Variants in RRM2 observed in about 807,000 individuals in gnomAD.
RRM2 encodes ribonucleoside-diphosphate reductase subunit M2.
RRM2 carries 6 observed loss-of-function variants against 45.9 expected under a neutral mutation model. The observed-to-expected ratio is 0.13, with a 90% CI of 0.07 to 0.26. RRM2 has a LOEUF of 0.26. RRM2 is among the 10% of genes least tolerant of loss of function. The probability of loss-of-function intolerance (pLI) is 1.00; values close to 1 mark genes in which losing one functional copy is unlikely to be tolerated. For missense variants in RRM2, 343 were observed against 489.5 expected, an observed-to-expected ratio of 0.70 and a Z score of 2.82; for synonymous variants, 177 against 173.0, an observed-to-expected ratio of 1.02 and a Z score of -0.18.
chr2:10,142,105 G>T, intron 2 of RRM2: 1 of 1,580,926 alleles, frequency 6.3e-7, no homozygotes, highest in South Asian at 1.2e-5. Context: ...GTTTCAGGCG[G>T]AGGGTGGGCA....
chr2:10,176,217 T>C (rs1463493770), intron 3 of RRM2, among the ~76,000 whole-genome samples: 1 of 152,218 alleles, frequency 6.6e-6, no homozygotes, highest in Non-Finnish European at 1.5e-5. Context: ...TTCAGTTTTT[T>C]TGGGCATATA....
rs1664154340 is a variant in RRM2, at chr2:10,185,892, C to T, written n.483-24419C>T. ...TGCTGAGCTGACCCTCCTTTCTGTC[C>T]TTCCTCGTGCCGAGGTTCTCTCTCC... is the stretch of plus-strand genomic sequence containing the variant. On this transcript the variant is annotated intron_variant and non_coding_transcript_variant, in intron 3 of 3. Transcript: ENST00000381786. The surrounding 1 kb of genome is among the most constrained non-coding windows in gnomAD (Gnocchi z 4.3). Among the ~76,000 whole-genome samples the T allele has an allele frequency of 6.6e-6, 1 of 152,186 alleles. No individual in the cohort carries two copies. Among genetic ancestry groups the T allele is most frequent in the Admixed American group, 6.5e-5 (1 of 15,278 alleles).
At chr2:10,137,433 A>G (rs1198041013), upstream of RRM2, among the ~76,000 whole-genome samples, 1 of 152,164 alleles carries the variant, frequency 6.6e-6, no homozygotes, top group Non-Finnish European at 1.5e-5. Context: ...TGGTCATTAC[A>G]CTGTGGTAGT....
At chr2:10,159,561 C>T (rs913466619) in intron 3 of RRM2, among the ~76,000 whole-genome samples, 3 of 152,152 alleles carry the variant, frequency 2.0e-5, no homozygotes, top group Non-Finnish European at 2.9e-5. Context: ...GAGCTCTGAG[C>T]GGTGTTTTTC....
chr2:10,133,702 GAT>G (rs2125309682), downstream of RRM2, among the ~76,000 whole-genome samples: 1 of 110,358 alleles, frequency 9.1e-6, no homozygotes, highest in African/African-American at 4.3e-5. Flanking sequence ...ATGACATCAG[GAT>G]TTTTTTTTTT....
chr2:10,190,560 G>T (rs1664278602), intron 3 of RRM2, among the ~76,000 whole-genome samples: 1 of 150,916 alleles, frequency 6.6e-6, no homozygotes, highest in Admixed American at 6.6e-5. Context: ...GAGGATGGTG[G>T]TGGTGATGAT....
chr2:10,159,996 G>A (rs1415523549), intron 3 of RRM2, among the ~76,000 whole-genome samples: 1 of 152,080 alleles, frequency 6.6e-6, no homozygotes, highest in African/African-American at 2.4e-5. Flanking sequence ...GGAAAGTCCA[G>A]CCCCCTCTCC....
At chr2:10,194,561 A>G (rs1664374561) in intron 3 of RRM2, among the ~76,000 whole-genome samples, 1 of 152,186 alleles carries the variant, frequency 6.6e-6, no homozygotes, top group Admixed American at 6.5e-5. Flanking sequence ...GTCCTGCTTC[A>G]CTGCCTTATG....
At chr2:10,197,382 G>A (rs1212618040) in intron 3 of RRM2, among the ~76,000 whole-genome samples, 1 of 152,154 alleles carries the variant, frequency 6.6e-6, no homozygotes, top group African/African-American at 2.4e-5. Flanking sequence ...TGCCCAACCA[G>A]TCCTAGGGGG....
intron 3 of RRM2, among the ~76,000 whole-genome samples, chr2:10,202,656 T>A (rs753487415): frequency 1.3e-5 from 2 of 151,420 alleles, no homozygotes; most frequent in Non-Finnish European, 2.9e-5. Flanking sequence ...GGAGACAGGT[T>A]TATCTCAGGG....
upstream of RRM2, among the ~76,000 whole-genome samples, chr2:10,138,410 G>A (rs141868063): frequency 5.0e-3 from 761 of 152,152 alleles, 6 homozygotes; most frequent in African/African-American, 0.017. Context: ...CAGGTGATCC[G>A]CCTGCCTTGG....
In RRM2 at chr2:10,169,784, T is replaced by C. The variant is rs1663759401; in HGVS notation, n.482+27409T>C. On this transcript the variant is annotated intron_variant and non_coding_transcript_variant, in intron 3 of 3. Transcript: ENST00000381786. The surrounding 1 kb of genome is among the most constrained non-coding windows in gnomAD (Gnocchi z 5.1). Reference sequence around the variant, plus strand: ...GAGGACGGGAGCAGGAGCAGGAGGCTGAGGCCAGGGGGGATGGCAGCCCCC... The same window carrying C: ...GAGGACGGGAGCAGGAGCAGGAGGCCGAGGCCAGGGGGGATGGCAGCCCCC... 6.6e-6 allele frequency among the ~76,000 whole-genome samples: 1 copy of C among 152,162 alleles called. No individual in the cohort carries two copies. Among genetic ancestry groups the C allele is most frequent in the Non-Finnish European group, 1.5e-5 (1 of 68,010 alleles).
chr2:10,124,349 AC>A (rs2125306095), intron 4 of RRM2, among the ~76,000 whole-genome samples: 1 of 152,106 alleles, frequency 6.6e-6, no homozygotes, highest in African/African-American at 2.4e-5. Flanking sequence ...CAGGTGATCC[AC>A]CCACCTTGGC....
chr2:10,169,454 G>A lies in RRM2; in HGVS notation n.482+27079G>A, dbSNP rs1259801116. Among the ~76,000 whole-genome samples, 2 of 152,196 alleles carry A rather than the reference G, an allele frequency of 1.3e-5. No individual in the cohort carries two copies. The highest frequency in any genetic ancestry group is 4.8e-5 in the African/African-American group (2 of 41,440). On this transcript the variant is annotated intron_variant and non_coding_transcript_variant, in intron 3 of 3. Transcript: ENST00000381786. This position sits in a 1 kb window ranked among gnomAD's most constrained non-coding sequence, Gnocchi z 5.1. ...TGTGAAGGCCTTGATGTCCTCTGGTGCCAACGCAACAGAGAAGCCAGCAAA... is the reference window on the plus strand; with the variant it reads ...TGTGAAGGCCTTGATGTCCTCTGGTACCAACGCAACAGAGAAGCCAGCAAA...
intron 3 of RRM2, among the ~76,000 whole-genome samples, chr2:10,207,327 T>C (rs1664681980): frequency 6.6e-6 from 1 of 152,184 alleles, no homozygotes; most frequent in South Asian, 2.1e-4. Context: ...CACCTGCAAT[T>C]GGCCTTCCAG....
At chr2:10,152,871 T>C (rs908464622) in intron 3 of RRM2, among the ~76,000 whole-genome samples, 2 of 152,126 alleles carry the variant, frequency 1.3e-5, no homozygotes, top group African/African-American at 4.8e-5. Context: ...GTACAGCCAT[T>C]ATGGAAAGCA....
chr2:10,143,237 G>A (rs181255312), intron 3 of RRM2, among the ~76,000 whole-genome samples: 2 of 152,208 alleles, frequency 1.3e-5, no homozygotes, highest in Admixed American at 6.5e-5. Flanking sequence ...TGTTCCCTTA[G>A]CCTGGACTTT....
intron 3 of RRM2, among the ~76,000 whole-genome samples, chr2:10,183,825 C>G (rs1012984631): frequency 6.8e-6 from 1 of 146,066 alleles, no homozygotes; most frequent in Non-Finnish European, 1.5e-5. Flanking sequence ...TGCGGTGGCT[C>G]ACGCCTGTAA....
Position 10,123,192 on chromosome 2 carries a change from C to T in RRM2, c.174+135C>T, listed in dbSNP as rs1473196932. ...CCTAGGCGGCCCCTCCCCAGGGCTG[C>T]CTCCCGCGCCCCTCGGCCCATTTCC... On this transcript the variant is annotated intron_variant, in intron 2 of 9. Transcript: ENST00000304567. 7 of 1,281,478 alleles carry T rather than the reference C, an allele frequency of 5.5e-6. No individual in the cohort carries two copies. The African/African-American group carries it at 7.5e-5, about 14-fold the overall frequency. 79.4% of individuals were successfully genotyped at this position (1,281,478 alleles called of 1,614,324 possible).
Sources: gnomAD v4.1 joint callset for allele counts (sites outside exome capture counted in the v4.1 genomes callset) on GRCh38, gnomAD v4.1.1 for gene constraint, Gnocchi (gnomAD v3.1) non-coding constraint, MANE v1.5 for transcripts, NCBI Gene and HGNC (gene_info 2026-07-23, HGNC 2026-07-21) for gene names.